The following PDE4D variants were observed in gnomAD, a reference collection of about 807,000 sequenced individuals.
The protein encoded by PDE4D is 3',5'-cyclic-AMP phosphodiesterase 4D.
A neutral mutation model predicts 87.4 loss-of-function variants in PDE4D; 24 were observed. The observed-to-expected ratio is 0.27, with a 90% CI of 0.20 to 0.39. PDE4D has a LOEUF of 0.39. Among genes scored for constraint, PDE4D ranks in the 10% least tolerant of loss-of-function variants. The probability of loss-of-function intolerance (pLI) is 1.00; values close to 1 mark genes in which losing one functional copy is unlikely to be tolerated. For synonymous variants in PDE4D, 384 were observed against 383.2 expected (o/e 1.00, Z -0.02); for missense variants, 714 against 1,041.0 (o/e 0.69, Z 4.32).
intron 2 of PDE4D, among the ~76,000 whole-genome samples, chr5:59,203,079 T>C (rs1013824048): frequency 6.6e-6 from 1 of 152,080 alleles, no homozygotes; most frequent in African/African-American, 2.4e-5. Flanking sequence ...CACAGTGGCT[T>C]ACACCTGTAA....
At chr5:59,349,827 C>G (rs578197432) in intron 1 of PDE4D, among the ~76,000 whole-genome samples, 1 of 152,126 alleles carries the variant, frequency 6.6e-6, no homozygotes, top group South Asian at 2.1e-4. Context: ...AGCCTGCAGG[C>G]CACCTTATAA....
intron 5 of PDE4D, among the ~76,000 whole-genome samples, chr5:59,044,864 G>T (rs1297587115): frequency 1.3e-5 from 2 of 152,118 alleles, no homozygotes; most frequent in African/African-American, 2.4e-5. Flanking sequence ...AACTACAATT[G>T]TTTTTCCGAA....
At chr5:59,886,975 T>C (rs1194554202) in intron 1 of PDE4D, among the ~76,000 whole-genome samples, 1 of 151,028 alleles carries the variant, frequency 6.6e-6, no homozygotes, top group African/African-American at 2.4e-5. Context: ...AGAGATCACT[T>C]AGAGGCTATT....
At chr5:60,269,485 A>T (rs576676398) in intron 1 of PDE4D, among the ~76,000 whole-genome samples, 1 of 152,320 alleles carries the variant, frequency 6.6e-6, no homozygotes, top group Middle Eastern at 3.4e-3. Flanking sequence ...GTGGTTGGAC[A>T]CCTGTGTTGA....
rs1032120785 is a variant in PDE4D at position 58,970,071 on chromosome 5, T to C, written c.*4593A>G. On this transcript the variant is annotated 3_prime_UTR_variant, in exon 15 of 15. Transcript: ENST00000340635. ...TATTTGTAAAAGATTGAGTCATAAA[T>C]AGGCAGAATCAACCCATGCTTTTAT... The C allele has an allele frequency of 5.3e-5, 8 of 152,170 alleles. No homozygotes were observed. Among genetic ancestry groups the C allele is most frequent in the African/African-American group, 1.9e-4 (8 of 41,456 alleles). The allele number at this position is 152,170 out of a possible 1,614,324, so 9.4% of individuals were successfully genotyped here.
chr5:59,716,747 G>T lies in PDE4D; in HGVS notation c.455+176421C>A, dbSNP rs189794503. ...ATCTCTGGGACTGAAACAATTCTCC[G>T]TCTTCATTGGTATGTTCCAGGACAC... On this transcript the variant is annotated intron_variant, in intron 1 of 14. Transcript: ENST00000340635. 6.2e-4 allele frequency among the ~76,000 whole-genome samples: 95 copies of T among 152,184 alleles called. 1 individual carries two copies. The highest frequency in any genetic ancestry group is 2.2e-3 in the African/African-American group (93 of 41,522).
chr5:60,323,533 T>C (rs1756500834), intron 1 of PDE4D, among the ~76,000 whole-genome samples: 1 of 152,196 alleles, frequency 6.6e-6, no homozygotes, highest in African/African-American at 2.4e-5. Flanking sequence ...GCCTTGTAAC[T>C]TCAGCAATTC....
At chr5:59,384,794 T>C (rs1582287943) in intron 1 of PDE4D, among the ~76,000 whole-genome samples, 1 of 152,180 alleles carries the variant, frequency 6.6e-6, no homozygotes, top group Non-Finnish European at 1.5e-5. Flanking sequence ...TTTTCATTTT[T>C]TTAGCCATTA....
chr5:59,501,551 C>T (rs772708183), intron 1 of PDE4D, among the ~76,000 whole-genome samples: 1 of 152,070 alleles, frequency 6.6e-6, no homozygotes, highest in South Asian at 2.1e-4. Flanking sequence ...TGAGGAAATG[C>T]ATCCAGAGGC....
At chr5:59,881,579 G>T (rs1434791755) in intron 1 of PDE4D, among the ~76,000 whole-genome samples, 1 of 152,074 alleles carries the variant, frequency 6.6e-6, no homozygotes, top group Non-Finnish European at 1.5e-5. Context: ...GTCTGAATTT[G>T]GAGTTGTTTT....
chr5:59,597,456 C>T (rs1048880645), intron 1 of PDE4D, among the ~76,000 whole-genome samples: 4 of 151,878 alleles, frequency 2.6e-5, no homozygotes, highest in East Asian at 1.9e-4. Flanking sequence ...CTCATTTTCT[C>T]GAACCCCTTT....
At chr5:59,713,507 G>C (rs562442066) in intron 1 of PDE4D, among the ~76,000 whole-genome samples, 2 of 152,286 alleles carry the variant, frequency 1.3e-5, no homozygotes, top group African/African-American at 4.8e-5. Flanking sequence ...AACTGTGCAT[G>C]ATTCCTCTAG....
chr5:60,320,716 T>A (rs771547827), intron 1 of PDE4D, among the ~76,000 whole-genome samples: 1 of 152,154 alleles, frequency 6.6e-6, no homozygotes, highest in Non-Finnish European at 1.5e-5. Context: ...AGTTTCAGTA[T>A]ACAAAATCAA....
chr5:59,298,151 C>G (rs1769461116), intron 1 of PDE4D, among the ~76,000 whole-genome samples: 1 of 138,630 alleles, frequency 7.2e-6, no homozygotes, highest in East Asian at 2.1e-4. Flanking sequence ...GAGTGTCACT[C>G]TGTTGTCTAG....
At position 59,324,536 on chromosome 5, in the gene PDE4D, A is replaced by AT. The variant is rs573130820; in HGVS notation, c.456-108569dup. 3.9e-3 allele frequency among the ~76,000 whole-genome samples: 591 copies of AT among 152,088 alleles called. 4 individuals are homozygous for AT. The highest frequency in any genetic ancestry group is 5.3e-3 in the Non-Finnish European group (363 of 67,948). ...GACAAGGGGAGACCATCTGGAAATG[A>AT]TTTTTTTTCTTTCTTAAAAGAAGAC... On this transcript the variant is annotated intron_variant, in intron 1 of 14. Coordinates refer to ENST00000340635, the MANE Select transcript of PDE4D (RefSeq NM_001104631.2).
chr5:59,454,352 G>C (rs934923463), intron 1 of PDE4D, among the ~76,000 whole-genome samples: 1 of 152,128 alleles, frequency 6.6e-6, no homozygotes, highest in African/African-American at 2.4e-5. Context: ...GGTCTTTCCT[G>C]CAGCATTCTC....
At chr5:59,235,075 C>T (rs1250494831) in intron 1 of PDE4D, among the ~76,000 whole-genome samples, 1 of 152,146 alleles carries the variant, frequency 6.6e-6, no homozygotes, top group African/African-American at 2.4e-5. Context: ...TATGCTTATT[C>T]TGCTCTTGGC....
chr5:60,392,310 A>G (rs1762608415), intron 1 of PDE4D, among the ~76,000 whole-genome samples: 1 of 152,308 alleles, frequency 6.6e-6, no homozygotes, highest in East Asian at 1.9e-4. Context: ...CTATAATACC[A>G]TTACATGATT....
chr5:60,337,418 C>G (rs562277565), intron 1 of PDE4D, among the ~76,000 whole-genome samples: 1 of 116,516 alleles, frequency 8.6e-6, no homozygotes, highest in African/African-American at 3.0e-5. Context: ...TATATCAATT[C>G]ATAGATCAGT....
Sources: gnomAD v4.1 joint callset for allele counts (sites outside exome capture counted in the v4.1 genomes callset) on GRCh38, gnomAD v4.1.1 for gene constraint, MANE v1.5 for transcripts, NCBI Gene and HGNC (gene_info 2026-07-23, HGNC 2026-07-21) for gene names.